UNC13C: variants seen among roughly 807,000 people sequenced by gnomAD.
UNC13C encodes the protein unc-13 homolog C, also known as protein unc-13 homolog C.
Under a neutral mutation model 245.4 loss-of-function variants are expected in UNC13C, and 174 were observed. That is an observed-to-expected ratio of 0.71 (90% CI 0.63 to 0.80). UNC13C has a LOEUF of 0.80. UNC13C is among the 30% of genes least tolerant of loss of function. The probability of loss-of-function intolerance (pLI) is 0.00; values close to 1 mark genes in which losing one functional copy is unlikely to be tolerated. For missense variants in UNC13C, 2,829 were observed against 2,602.9 expected (o/e 1.09, Z -1.89); for synonymous variants, 992 against 895.1 (o/e 1.11, Z -1.93).
intron 17 of UNC13C, among the ~76,000 whole-genome samples, chr15:54,349,994 T>A (rs1378210339): frequency 7.0e-6 from 1 of 143,644 alleles, no homozygotes; most frequent in Non-Finnish European, 1.5e-5. Context: ...AATATTTTCC[T>A]TTTTTTTTTT....
chr15:54,462,216 T>G (rs1891886372), intron 19 of UNC13C, among the ~76,000 whole-genome samples: 2 of 151,970 alleles, frequency 1.3e-5, no homozygotes, highest in South Asian at 4.2e-4. Flanking sequence ...AAAAAGAAAA[T>G]AGAATTATGA....
chr15:54,571,215 T>G (rs1364566908), intron 30 of UNC13C, among the ~76,000 whole-genome samples: 1 of 152,204 alleles, frequency 6.6e-6, no homozygotes, highest in African/African-American at 2.4e-5. Context: ...AGAGGTTTAA[T>G]GGACTCACAG....
the UNC13C span, among the ~76,000 whole-genome samples, chr15:53,970,196 A>C: frequency 6.6e-6 from 1 of 151,918 alleles, no homozygotes; most frequent in African/African-American, 2.4e-5. Context: ...CAGCCTCCCA[A>C]GGAGCTGGGA....
the UNC13C span, among the ~76,000 whole-genome samples, chr15:53,931,322 C>A: frequency 6.6e-6 from 1 of 152,044 alleles, no homozygotes; most frequent in Non-Finnish European, 1.5e-5. Flanking sequence ...GGGCGTGCTA[C>A]CACACCTGGC....
At chr15:54,048,311 G>A (rs1201871934) in intron 2 of UNC13C, among the ~76,000 whole-genome samples, 2 of 152,082 alleles carry the variant, frequency 1.3e-5, no homozygotes, top group South Asian at 2.1e-4. Context: ...TGCAAGTATT[G>A]TTTATGTTTC....
At chr15:54,231,831 T>G (rs1421989387) in intron 4 of UNC13C, among the ~76,000 whole-genome samples, 1 of 152,114 alleles carries the variant, frequency 6.6e-6, no homozygotes, top group Non-Finnish European at 1.5e-5. Context: ...ATCTGACTTC[T>G]TGTTCATCAA....
the UNC13C span, among the ~76,000 whole-genome samples, chr15:53,853,119 A>T: frequency 6.6e-6 from 1 of 151,956 alleles, no homozygotes; most frequent in East Asian, 1.9e-4. Context: ...TCAACCCATC[A>T]TCTAGGTATT....
At chr15:53,864,206 T>C in the UNC13C span, among the ~76,000 whole-genome samples, 1 of 152,202 alleles carries the variant, frequency 6.6e-6, no homozygotes, top group Non-Finnish European at 1.5e-5. Flanking sequence ...CAGAATTTTA[T>C]TGAAAAACAA....
At chr15:54,203,621 GTGTATTT>G (rs1226950644) in intron 4 of UNC13C, among the ~76,000 whole-genome samples, 1 of 147,854 alleles carries the variant, frequency 6.8e-6, no homozygotes, top group Non-Finnish European at 1.5e-5. Context: ...ATTCCATTGT[GTGTATTT>G]TATAAAATGG....
intron 30 of UNC13C, among the ~76,000 whole-genome samples, chr15:54,615,098 T>C (rs935431179): frequency 1.3e-5 from 2 of 151,992 alleles, no homozygotes; most frequent in African/African-American, 4.8e-5. Flanking sequence ...CTTAGCCACT[T>C]TTTAAATTTT....
chr15:54,581,540 C>A (rs540901746), intron 30 of UNC13C, among the ~76,000 whole-genome samples: 88 of 152,312 alleles, frequency 5.8e-4, no homozygotes, highest in African/African-American at 2.1e-3. Flanking sequence ...ATCCTAAGTT[C>A]TCTGGTGTCT....
chr15:54,566,420 T>C (rs1012913132), intron 29 of UNC13C, among the ~76,000 whole-genome samples: 25 of 152,046 alleles, frequency 1.6e-4, no homozygotes, highest in South Asian at 2.1e-4. Context: ...AATTTAAAAC[T>C]TATGTTTTGT....
At chr15:54,042,900 T>C (rs151210649) in intron 2 of UNC13C, among the ~76,000 whole-genome samples, 1 of 152,062 alleles carries the variant, frequency 6.6e-6, no homozygotes, top group Non-Finnish European at 1.5e-5. Context: ...GAGAATCTAC[T>C]GCGCATAACA....
the UNC13C span, among the ~76,000 whole-genome samples, chr15:53,842,323 A>G: frequency 6.6e-6 from 1 of 152,218 alleles, no homozygotes; most frequent in African/African-American, 2.4e-5. Context: ...CTTTACAGAT[A>G]TAAAGTATCA....
chr15:54,279,093 G>T (rs1437080251), intron 10 of UNC13C, among the ~76,000 whole-genome samples: 11 of 152,004 alleles, frequency 7.2e-5, no homozygotes, highest in Non-Finnish European at 1.3e-4. Flanking sequence ...AATGATAAAG[G>T]GCAATACTGC....
intron 13 of UNC13C, among the ~76,000 whole-genome samples, chr15:54,316,779 G>A (rs2038019719): frequency 1.3e-5 from 2 of 151,742 alleles, no homozygotes; most frequent in African/African-American, 2.4e-5. Context: ...TCTCTTCACC[G>A]CTATGGGATT....
intron 2 of UNC13C, among the ~76,000 whole-genome samples, chr15:54,140,876 G>C (rs2141232818): frequency 6.6e-6 from 1 of 152,256 alleles, no homozygotes; most frequent in South Asian, 2.1e-4. Context: ...TTTCAGGGAA[G>C]AATACAGCAG....
the UNC13C span, among the ~76,000 whole-genome samples, chr15:53,845,634 A>G: frequency 6.6e-6 from 1 of 152,352 alleles, no homozygotes; most frequent in African/African-American, 2.4e-5. Context: ...CAATATAATT[A>G]TAACTACTTA....
intron 30 of UNC13C, among the ~76,000 whole-genome samples, chr15:54,571,454 G>A (rs1897753615): frequency 6.6e-6 from 1 of 152,170 alleles, no homozygotes; most frequent in African/African-American, 2.4e-5. Context: ...GGAATTATGG[G>A]AGCTACAATT....
Sources: allele counts gnomAD v4.1 joint callset (sites outside exome capture counted in the v4.1 genomes callset), GRCh38; gene constraint gnomAD v4.1.1; transcripts MANE v1.5; gene names NCBI Gene and HGNC (gene_info 2026-07-23, HGNC 2026-07-21).